The following FBRSL1 variants were observed in gnomAD, a reference collection of about 807,000 sequenced individuals.
The protein encoded by FBRSL1 is fibrosin-1-like protein.
A neutral mutation model predicts 89.6 loss-of-function variants in FBRSL1; 51 were observed. The ratio of observed to expected loss-of-function variants is 0.57; its 90% CI spans 0.45 to 0.72. FBRSL1 has a LOEUF of 0.72. Among genes scored for constraint, FBRSL1 ranks in the 30% least tolerant of loss-of-function variants. The probability of loss-of-function intolerance (pLI) is 0.00; values close to 1 mark genes in which losing one functional copy is unlikely to be tolerated. For synonymous variants in FBRSL1, 779 were observed against 681.1 expected, an observed-to-expected ratio of 1.14 and a Z score of -2.24; for missense variants, 1,618 against 1,451.8, an observed-to-expected ratio of 1.11 and a Z score of -1.86.
intron 11 of FBRSL1, among the ~76,000 whole-genome samples, chr12:132,573,824 T>C (rs1353615521): frequency 2.0e-5 from 3 of 152,186 alleles, no homozygotes; most frequent in African/African-American, 7.2e-5. Context: ...TGGGTGGGGC[T>C]GTCTCGGCCC....
At chr12:132,539,291 C>A (rs117908583) in intron 4 of FBRSL1, among the ~76,000 whole-genome samples, 1 of 151,970 alleles carries the variant, frequency 6.6e-6, no homozygotes, top group Admixed American at 6.6e-5. Context: ...CAGGAAGCCT[C>A]AGTCCCATGC....
intron 15 of FBRSL1, among the ~76,000 whole-genome samples, chr12:132,577,899 A>C (rs1198546998): frequency 6.6e-6 from 1 of 152,220 alleles, no homozygotes; most frequent in African/African-American, 2.4e-5. Flanking sequence ...ACGCCTTTCT[A>C]CACATACACA....
intron 6 of FBRSL1, among the ~76,000 whole-genome samples, chr12:132,568,382 T>C (rs1390908420): frequency 6.6e-6 from 1 of 152,250 alleles, no homozygotes; most frequent in Non-Finnish European, 1.5e-5. Flanking sequence ...TGCCTTCAAG[T>C]TGGAAGCCTG....
intron 2 of FBRSL1, chr12:132,511,185 C>G: frequency 1.0e-6 from 1 of 985,362 alleles, no homozygotes; most frequent in Non-Finnish European, 1.2e-6. Flanking sequence ...CCCGGAGGCT[C>G]CCACCCCCAC....
chr12:132,583,835 A>C lies in FBRSL1; in HGVS notation c.*57A>C. The C allele has an allele frequency of 9.6e-7, 1 of 1,040,678 alleles. No homozygotes were observed. The highest frequency in any genetic ancestry group is 1.2e-6 in the Non-Finnish European group (1 of 834,100). 64.5% of individuals were successfully genotyped at this position (1,040,678 alleles called of 1,614,324 possible). A position where few individuals can be genotyped will look rare whatever the true frequency, so the allele number is the denominator to read the frequency against. The stretch of plus-strand genomic sequence containing the variant: ...GCGCACCGCTGTCCGTCTCTCCATC[A>C]GTTCCTAGAACTCAAGCACAGCTCC... On this transcript the variant is annotated 3_prime_UTR_variant, in exon 19 of 19. Coordinates refer to ENST00000680143, the MANE Select transcript of FBRSL1 (RefSeq NM_001367871.1).
chr12:132,521,244 G>T (rs1347202975), intron 2 of FBRSL1, among the ~76,000 whole-genome samples: 1 of 152,232 alleles, frequency 6.6e-6, no homozygotes, highest in Non-Finnish European at 1.5e-5. Flanking sequence ...AGGAGGGAGC[G>T]CAGGCTGTGG....
rs1186501592 is a variant in FBRSL1, at chr12:132,510,756, G to A, written c.489+2406G>A. The A allele has an allele frequency of 1.4e-5, 17 of 1,186,396 alleles. No homozygotes were observed. In the South Asian group the frequency reaches 2.2e-4, roughly 15 times the overall value. 73.5% of individuals were successfully genotyped at this position (1,186,396 alleles called of 1,614,324 possible). On this transcript the variant is annotated intron_variant, in intron 2 of 18. Transcript: ENST00000680143. ...CACTGGCGTCACAGTGCCCCCACCC[G>A]CGTTGCTGCCTGTGGTGTGCGTGCC...
At chr12:132,572,203 C>A in intron 9 of FBRSL1, 85 bp from the exon 10 acceptor site, 3 of 1,307,430 alleles carry the variant, frequency 2.3e-6, no homozygotes, top group Non-Finnish European at 3.2e-6. Context: ...CCTGTCACTG[C>A]CCAGCCCGGC....
At chr12:132,518,129 C>CAA (rs1375977012) in intron 2 of FBRSL1, among the ~76,000 whole-genome samples, 2 of 152,164 alleles carry the variant, frequency 1.3e-5, no homozygotes, top group African/African-American at 4.8e-5. Flanking sequence ...CTTGCCCACA[C>CAA]ACACTAGTGT....
rs1253567428 is a variant in FBRSL1 at position 132,582,971 on chromosome 12, G to A, written c.2202G>A (p.Arg734=). 7.0e-7 allele frequency: 1 copy of A among 1,419,648 alleles called. No individual in the cohort carries two copies. Among genetic ancestry groups the A allele is most frequent in the Non-Finnish European group, 9.1e-7 (1 of 1,096,102 alleles). 87.9% of individuals were successfully genotyped at this position (1,419,648 alleles called of 1,614,324 possible). ...GACGGGTCCGCCCTGCCGCCCCCAG[G>A]GACCTCCTGGAGAAGACGCGCCTGC... The part of the protein sequence containing the change: ...EPDNGKEEQE[R]DLLEKTRLLS... Residue 734 remains arginine (R), a splice_region_variant and synonymous_variant, in exon 19 of 19, where the codon CGG becomes CGA. Coordinates refer to ENST00000680143, the MANE Select transcript of FBRSL1 (RefSeq NM_001367871.1).
At chr12:132,568,368 C>T (rs1027735348) in intron 6 of FBRSL1, among the ~76,000 whole-genome samples, 4 of 152,278 alleles carry the variant, frequency 2.6e-5, no homozygotes, top group Non-Finnish European at 5.9e-5. Context: ...GCATGGCCTT[C>T]ACCTGCCTTC....
intron 12 of FBRSL1, 74 bp from the exon 13 acceptor site, chr12:132,574,245 G>T: frequency 2.1e-6 from 3 of 1,456,594 alleles, no homozygotes; most frequent in Non-Finnish European, 1.8e-6. Flanking sequence ...CAGCAGACGG[G>T]CTGTGTCCCC....
At chr12:132,509,554 G>A (rs1051304684) in intron 2 of FBRSL1, 11 of 1,233,090 alleles carry the variant, frequency 8.9e-6, no homozygotes, top group South Asian at 4.1e-5. Flanking sequence ...AGGCGCCTGC[G>A]GTCCCTGCTG....
chr12:132,515,716 A>G (rs1020916666), intron 2 of FBRSL1, among the ~76,000 whole-genome samples: 8 of 152,030 alleles, frequency 5.3e-5, no homozygotes, highest in Non-Finnish European at 7.4e-5. Context: ...CCTGGCCAAC[A>G]TGGTGAAACC....
intron 4 of FBRSL1, among the ~76,000 whole-genome samples, chr12:132,542,751 C>A (rs888398875): frequency 1.3e-5 from 2 of 152,390 alleles, no homozygotes; most frequent in South Asian, 2.1e-4. Context: ...CACTGAGGGA[C>A]CCCTGGGAGC....
At chr12:132,572,724 T>C in intron 11 of FBRSL1, 102 bp downstream of exon 11, 1 of 817,246 alleles carries the variant, frequency 1.2e-6, no homozygotes, top group Middle Eastern at 3.2e-4. Context: ...ACCACCCCCC[T>C]TTCCCTCCCT....
intron 2 of FBRSL1, chr12:132,509,223 G>A: frequency 8.0e-7 from 1 of 1,252,080 alleles, no homozygotes; most frequent in Non-Finnish European, 9.9e-7. Flanking sequence ...GAACGGCCCG[G>A]CCCAGCGCCA....
chr12:132,523,127 C>T (rs905467528), intron 2 of FBRSL1, among the ~76,000 whole-genome samples: 1 of 152,122 alleles, frequency 6.6e-6, no homozygotes, highest in African/African-American at 2.4e-5. Flanking sequence ...GACTTGTCAT[C>T]CAGGGACTGT....
In FBRSL1 at chr12:132,583,731, C is replaced by T. The variant is rs2040960200; in HGVS notation, c.2962C>T (p.Arg988Cys). The change falls in exon 19 of 19, where the codon CGC (arginine) becomes TGC (cysteine). Residue 988 changes from arginine (R) to cysteine (C), a missense_variant. Physicochemically the swap from Arg to Cys is radical, Grantham distance 180. Coordinates refer to ENST00000680143, the MANE Select transcript of FBRSL1 (RefSeq NM_001367871.1). ...PLGGLGPGEA[R>C]DYSPSRNPPE... ...GGGGGGCCTCGGGCCGGGCGAGGCG[C>T]GCGACTACTCCCCGTCCCGAAATCC... 12 of 1,216,456 alleles carry T rather than the reference C, an allele frequency of 9.9e-6. No individual in the cohort carries two copies. The highest frequency in any genetic ancestry group is 1.2e-5 in the Non-Finnish European group (12 of 978,188). 75.4% of individuals were successfully genotyped at this position (1,216,456 alleles called of 1,614,324 possible).
Sources: gnomAD v4.1 joint callset for allele counts (sites outside exome capture counted in the v4.1 genomes callset) on GRCh38, gnomAD v4.1.1 for gene constraint, MANE v1.5 for transcripts, NCBI Gene and HGNC (gene_info 2026-07-23, HGNC 2026-07-21) for gene names.